Variants in ZNF827 observed in about 807,000 individuals in gnomAD.
The protein encoded by ZNF827 is zinc finger protein 827.
A neutral mutation model predicts 102.4 loss-of-function variants in ZNF827; 13 were observed. That is an observed-to-expected ratio of 0.13 (90% confidence interval 0.08 to 0.20). The LOEUF (loss-of-function observed/expected upper bound fraction) is 0.20. Ranked by LOEUF, ZNF827 falls within the 10% of genes least tolerant of loss-of-function variation. ZNF827 has a pLI of 1.00. For missense variants in ZNF827, 1,103 were observed against 1,344.4 expected (o/e 0.82, Z 2.81); for synonymous variants, 523 against 536.2 (o/e 0.98, Z 0.34).
chr4:145,893,354 G>A (rs1220366903), intron 2 of ZNF827, among the ~76,000 whole-genome samples: 1 of 152,164 alleles, frequency 6.6e-6, no homozygotes, highest in Non-Finnish European at 1.5e-5. Context: ...CAAGAACTTA[G>A]ACATTTCTTT....
At chr4:145,849,244 T>C (rs1746285683) in intron 6 of ZNF827, 78 bp downstream of exon 6, 13 of 1,524,828 alleles carry the variant, frequency 8.5e-6, no homozygotes, top group South Asian at 5.2e-5. Context: ...CAGGTTTTTT[T>C]TTTTAAAAAA....
rs748142852 is a variant in ZNF827, at chr4:145,765,668, T to G, written c.2931A>C (p.Ser977=). ...SSSSLSALSD[S]ANSKDDSDGS... Reference sequence around the variant, plus strand: ...CATCTGAATCATCTTTGCTGTTGGCTGAATCACTCAGAGCTGAGAGGGAGG... The same window carrying G: ...CATCTGAATCATCTTTGCTGTTGGCGGAATCACTCAGAGCTGAGAGGGAGG... Residue 977 remains serine, a synonymous_variant, in exon 12 of 15, where the codon TCA becomes TCC. Coordinates refer to ENST00000508784, the MANE Select transcript of ZNF827 (RefSeq NM_001306215.2). This position sits in a 1 kb window ranked among gnomAD's most constrained non-coding sequence, Gnocchi z 4.7. 2 of 1,614,190 alleles carry G rather than the reference T, an allele frequency of 1.2e-6. No individual in the cohort carries two copies. Among genetic ancestry groups the G allele is most frequent in the Non-Finnish European group, 1.7e-6 (2 of 1,180,024 alleles).
At chr4:145,793,858 A>C (rs1740088629) in intron 8 of ZNF827, among the ~76,000 whole-genome samples, 1 of 152,188 alleles carries the variant, frequency 6.6e-6, no homozygotes, top group Non-Finnish European at 1.5e-5. Flanking sequence ...AACTGGAAGA[A>C]GGCATAGTAT....
chr4:145,779,438 A>G lies in ZNF827; in HGVS notation c.2457T>C (p.Cys819=). The G allele has an allele frequency of 6.2e-7, 1 of 1,614,214 alleles. No homozygotes were observed. The highest frequency in any genetic ancestry group is 1.1e-5 in the South Asian group (1 of 91,078). The stretch of plus-strand genomic sequence containing the variant: ...GGCCAAACACTTTCCCACACACGTC[A>G]CAGGGAAAAAGCTGGTCATTGAATT... ...SWKFNDQLFP[C]DVCGKVFGRQ... Residue 819 remains cysteine (C), a synonymous_variant, in exon 9 of 15, where the codon TGT becomes TGC. Coordinates refer to ENST00000508784, the MANE Select transcript of ZNF827 (RefSeq NM_001306215.2).
At chr4:145,917,692 T>C (rs1752753801) in intron 1 of ZNF827, among the ~76,000 whole-genome samples, 1 of 101,222 alleles carries the variant, frequency 9.9e-6, no homozygotes, top group South Asian at 3.2e-4. Context: ...AACTCCAAGG[T>C]AGCTGGTCAA....
At chr4:145,770,274 C>T (rs1009940467) in intron 11 of ZNF827, among the ~76,000 whole-genome samples, 4 of 151,352 alleles carry the variant, frequency 2.6e-5, no homozygotes, top group Admixed American at 2.0e-4. Context: ...ACTCCAGCCT[C>T]GGCAACAGAG....
chr4:145,867,913 G>A (rs1226826523), intron 5 of ZNF827, among the ~76,000 whole-genome samples: 1 of 152,162 alleles, frequency 6.6e-6, no homozygotes. Context: ...ATGGCAAAGG[G>A]TATCTGAAGA....
In ZNF827 at chr4:145,797,239, T is replaced by A. The variant is rs1740474643; in HGVS notation, c.2384-17728A>T. 1.3e-5 allele frequency among the ~76,000 whole-genome samples: 2 copies of A among 152,228 alleles called. 1 individual carries two copies. The highest frequency in any genetic ancestry group is 1.3e-4 in the Admixed American group (2 of 15,288). On this transcript the variant is annotated intron_variant, in intron 8 of 14. Coordinates refer to ENST00000508784, the MANE Select transcript of ZNF827 (RefSeq NM_001306215.2). ...AAAAGAAAAATTAGAGGTCAGATCC[T>A]ATCAGGCTCGAATCCGAACTTGGGT...
At chr4:145,781,490 T>G (rs538564925) in intron 8 of ZNF827, among the ~76,000 whole-genome samples, 53 of 152,172 alleles carry the variant, frequency 3.5e-4, no homozygotes, top group Non-Finnish European at 7.1e-4. Context: ...CTGCCAGCAA[T>G]CCCAACACTG....
intron 8 of ZNF827, among the ~76,000 whole-genome samples, chr4:145,821,380 C>G (rs991477605): frequency 6.6e-6 from 1 of 152,078 alleles, no homozygotes; most frequent in African/African-American, 2.4e-5. Flanking sequence ...GTCTCCACAC[C>G]GTTAACTTTG....
rs989256708 is a variant in ZNF827, at chr4:145,759,934, C to T, written c.*1682G>A. ...TAATCTGCCCTTAAAAAATGATGCA[C>T]TGTGTGTGTGCACCGTACACATTTG... On this transcript the variant is annotated 3_prime_UTR_variant, in exon 15 of 15. Coordinates refer to ENST00000508784, the MANE Select transcript of ZNF827 (RefSeq NM_001306215.2). 3 of 152,198 alleles carry T rather than the reference C, an allele frequency of 2.0e-5. No homozygotes were observed. Among genetic ancestry groups the T allele is most frequent in the African/African-American group, 7.2e-5 (3 of 41,432 alleles). The allele number at this position is 152,198 out of a possible 1,614,324, so 9.4% of individuals were successfully genotyped here. A position where few individuals can be genotyped will look rare whatever the true frequency, so the allele number is the denominator to read the frequency against.
At chr4:145,778,405 A>AT (rs1261686377) in intron 9 of ZNF827, among the ~76,000 whole-genome samples, 1 of 152,210 alleles carries the variant, frequency 6.6e-6, no homozygotes, top group African/African-American at 2.4e-5. Context: ...AAGTGTTGGG[A>AT]TTATAGGCGT....
At chr4:145,884,624 C>G (rs1310416235) in intron 4 of ZNF827, among the ~76,000 whole-genome samples, 5 of 152,108 alleles carry the variant, frequency 3.3e-5, no homozygotes, top group African/African-American at 1.2e-4. Flanking sequence ...TCCTGCAACA[C>G]ACCTTATCAT....
At chr4:145,840,337 C>T (rs1446876299) in intron 7 of ZNF827, among the ~76,000 whole-genome samples, 2 of 152,216 alleles carry the variant, frequency 1.3e-5, no homozygotes, top group Non-Finnish European at 2.9e-5. Flanking sequence ...ACGTCACAGA[C>T]ATCAGATTTA....
intron 5 of ZNF827, among the ~76,000 whole-genome samples, chr4:145,856,977 ACGCG>A (rs1355585901): frequency 5.5e-4 from 70 of 126,440 alleles, no homozygotes; most frequent in Non-Finnish European, 9.7e-4. Context: ...ATGCGCGCGC[ACGCG>A]CACGCACACA....
intron 8 of ZNF827, among the ~76,000 whole-genome samples, chr4:145,802,836 G>A (rs557123812): frequency 5.9e-5 from 9 of 152,250 alleles, no homozygotes; most frequent in South Asian, 2.1e-4. Context: ...CCAGCTACTC[G>A]GGAGGCTGAG....
intron 1 of ZNF827, among the ~76,000 whole-genome samples, chr4:145,936,590 G>C (rs1027927441): frequency 1.3e-5 from 2 of 152,194 alleles, no homozygotes; most frequent in African/African-American, 2.4e-5. Flanking sequence ...CTGCGGCCCG[G>C]GTGACACGGA....
At chr4:145,888,430 A>G (rs1027423570) in intron 3 of ZNF827, among the ~76,000 whole-genome samples, 1 of 152,198 alleles carries the variant, frequency 6.6e-6, no homozygotes, top group African/African-American at 2.4e-5. Flanking sequence ...TTAGGGGCTC[A>G]CCTATCCTCT....
chr4:145,903,104 T>C lies in ZNF827; in HGVS notation c.155A>G (p.Tyr52Cys). ...GATCCGGTCCTCCAGAGACAACTTA[T>C]AGTTCTCCTGGACTTCCCCATAGGA... The part of the protein sequence containing the change: ...EASYGEVQEN[Y>C]KLSLEDRIQE... Residue 52 changes from tyrosine (Y) to cysteine (C), a missense_variant, in exon 2 of 15, where the codon TAT becomes TGT. Coordinates refer to ENST00000508784, the MANE Select transcript of ZNF827 (RefSeq NM_001306215.2). 1.2e-6 allele frequency: 2 copies of C among 1,614,198 alleles called. No homozygotes were observed. The highest frequency in any genetic ancestry group is 2.2e-5 in the East Asian group (1 of 44,880).
Sources: allele counts gnomAD v4.1 joint callset (sites outside exome capture counted in the v4.1 genomes callset), GRCh38; gene constraint gnomAD v4.1.1; non-coding constraint Gnocchi (gnomAD v3.1); transcripts MANE v1.5; gene names NCBI Gene and HGNC (gene_info 2026-07-23, HGNC 2026-07-21).